Variants in UNC93A observed in about 807,000 individuals in gnomAD.
The protein encoded by UNC93A is N-acetylglucosamine transporter UNC93A.
In UNC93A, 43 loss-of-function variants were observed where a neutral mutation model predicts 47.5. That is an observed-to-expected ratio of 0.91 (90% CI 0.71 to 1.17). UNC93A has a LOEUF of 1.17. Ranked by LOEUF, UNC93A falls within the 50% of genes most tolerant of loss-of-function variation. UNC93A has a pLI of 0.00. For synonymous variants in UNC93A, 280 were observed against 258.0 expected (o/e 1.09, Z -0.82); for missense variants, 605 against 577.6 (o/e 1.05, Z -0.49).
chr6:167,305,825 G>A (rs1241733812), intron 5 of UNC93A, 90 bp from the exon 6 acceptor site: 2 of 1,578,764 alleles, frequency 1.3e-6, no homozygotes, highest in South Asian at 1.1e-5. Context: ...CCATCTCAGA[G>A]CAGATGTTCT....
At chr6:167,270,654 G>C (rs756769029), upstream of UNC93A, among the ~76,000 whole-genome samples, 2 of 152,204 alleles carry the variant, frequency 1.3e-5, no homozygotes, top group Admixed American at 1.3e-4. Context: ...GGGTCAACTA[G>C]AGCAGGGTGA....
chr6:167,294,733 G>A (rs564466012), intron 2 of UNC93A, 35 bp downstream of exon 2: 59 of 1,134,222 alleles, frequency 5.2e-5, no homozygotes, highest in Middle Eastern at 4.4e-4. Flanking sequence ...ACCCCACCCC[G>A]GCCGTTCCCC....
chr6:167,276,059 CTTTTCTT>C (rs1016097324), intron 1 of UNC93A, among the ~76,000 whole-genome samples: 9 of 132,344 alleles, frequency 6.8e-5, no homozygotes, highest in African/African-American at 2.2e-4. Context: ...TTTTTCTTTT[CTTTTCTT>C]TTTTTTTTTT....
At chr6:167,296,806 G>T (rs764836789) in intron 3 of UNC93A, among the ~76,000 whole-genome samples, 2 of 152,158 alleles carry the variant, frequency 1.3e-5, no homozygotes, top group Admixed American at 6.5e-5. Flanking sequence ...TAGTGCCCAC[G>T]TTGAGGCTTT....
chr6:167,282,339 C>G (rs1019812790), intron 1 of UNC93A, among the ~76,000 whole-genome samples: 2 of 152,064 alleles, frequency 1.3e-5, no homozygotes, highest in Admixed American at 1.3e-4. Context: ...GAGGTCATCA[C>G]ACACCTGATG....
intron 2 of UNC93A, among the ~76,000 whole-genome samples, 162 bp downstream of exon 2, chr6:167,294,860 C>T (rs182511808): frequency 5.4e-4 from 82 of 152,134 alleles, no homozygotes; most frequent in Non-Finnish European, 8.5e-4. Context: ...TGGTGACAGA[C>T]GGTGCTGGGC....
At chr6:167,284,057 C>T (rs1316888292) in intron 1 of UNC93A, among the ~76,000 whole-genome samples, 5 of 152,302 alleles carry the variant, frequency 3.3e-5, no homozygotes, top group Admixed American at 3.3e-4. Context: ...CCAACAAATA[C>T]TTGCTGAATG....
intron 4 of UNC93A, among the ~76,000 whole-genome samples, chr6:167,300,466 AG>A (rs1275971353): frequency 1.3e-5 from 2 of 152,028 alleles, no homozygotes; most frequent in Non-Finnish European, 2.9e-5. Context: ...TAGGAGGCTC[AG>A]GGGGGAGGCT....
intron 2 of UNC93A, 138 bp from the exon 3 acceptor site, chr6:167,295,894 C>T (rs978020980): frequency 2.8e-6 from 2 of 715,148 alleles, no homozygotes; most frequent in Non-Finnish European, 4.7e-6. Flanking sequence ...ATCCATCCAA[C>T]CAGCAACACT....
At chr6:167,289,989 A>T (rs1023456151), upstream of UNC93A, among the ~76,000 whole-genome samples, 2 of 152,346 alleles carry the variant, frequency 1.3e-5, no homozygotes, top group Admixed American at 1.3e-4. Flanking sequence ...GTTGAACCAT[A>T]TATGTATCTT....
At chr6:167,276,401 T>C (rs187766055) in intron 1 of UNC93A, among the ~76,000 whole-genome samples, 96 of 152,288 alleles carry the variant, frequency 6.3e-4, no homozygotes, top group Non-Finnish European at 1.3e-3. Context: ...GTGATTCTAT[T>C]TGTGGTTTTT....
At chr6:167,280,569 C>T (rs1004202922) in intron 1 of UNC93A, among the ~76,000 whole-genome samples, 1 of 152,140 alleles carries the variant, frequency 6.6e-6, no homozygotes, top group African/African-American at 2.4e-5. Flanking sequence ...TTATGAATAT[C>T]TCAGTCCTTA....
intron 1 of UNC93A, among the ~76,000 whole-genome samples, chr6:167,285,599 C>A (rs556786274): frequency 2.1e-4 from 32 of 151,716 alleles, no homozygotes; most frequent in Admixed American, 7.3e-4. Context: ...GGCTTCCCTG[C>A]AGCTGCTGCT....
At chr6:167,270,702 A>T (rs1562337019), upstream of UNC93A, among the ~76,000 whole-genome samples, 1 of 152,074 alleles carries the variant, frequency 6.6e-6, no homozygotes, top group Non-Finnish European at 1.5e-5. Flanking sequence ...TCATGGGAGG[A>T]GAGGGGAGCA....
chr6:167,273,470 C>T (rs1291421509), intron 1 of UNC93A, among the ~76,000 whole-genome samples: 1 of 152,214 alleles, frequency 6.6e-6, no homozygotes, highest in African/African-American at 2.4e-5. Flanking sequence ...GCAGCCAGCA[C>T]ACCTTTGGGT....
rs1783844177 is a variant in UNC93A at position 167,291,638 on chromosome 6, C to T, written c.87+62C>T. The T allele has an allele frequency of 2.7e-6, 4 of 1,481,686 alleles. No homozygotes were observed. The Admixed American group carries it at 6.1e-5, about 23-fold the overall frequency. 91.8% of individuals were successfully genotyped at this position (1,481,686 alleles called of 1,614,324 possible). A position where few individuals can be genotyped will look rare whatever the true frequency, so the allele number is the denominator to read the frequency against. ...TGGCCTCCAAGAATCCCTGTGGTCACAGACAATAATGAATTGGAAATTTGA... is the reference window on the plus strand; with the variant it reads ...TGGCCTCCAAGAATCCCTGTGGTCATAGACAATAATGAATTGGAAATTTGA... On this transcript the variant is annotated intron_variant, in intron 1 of 7. Coordinates refer to ENST00000230256, the MANE Select transcript of UNC93A (RefSeq NM_018974.4).
At chr6:167,300,452 C>T (rs1198595064) in intron 4 of UNC93A, among the ~76,000 whole-genome samples, 1 of 151,940 alleles carries the variant, frequency 6.6e-6, no homozygotes. Context: ...TGTGGCAGGG[C>T]CCCTAGGAGG....
chr6:167,306,574 A>G (rs1778399284), intron 6 of UNC93A, among the ~76,000 whole-genome samples: 1 of 152,194 alleles, frequency 6.6e-6, no homozygotes, highest in Non-Finnish European at 1.5e-5. Context: ...TGAGGAATGC[A>G]GGCACTACGA....
At chr6:167,296,869 C>T (rs1250545810) in intron 3 of UNC93A, among the ~76,000 whole-genome samples, 1 of 152,174 alleles carries the variant, frequency 6.6e-6, no homozygotes, top group Non-Finnish European at 1.5e-5. Context: ...AAAACTTTCC[C>T]AACGGGGTAA....
Sources: allele counts gnomAD v4.1 joint callset (sites outside exome capture counted in the v4.1 genomes callset), GRCh38; gene constraint gnomAD v4.1.1; transcripts MANE v1.5; gene names NCBI Gene and HGNC (gene_info 2026-07-23, HGNC 2026-07-21).